Variants in DIAPH3 observed in about 807,000 individuals in gnomAD.
DIAPH3 encodes diaphanous related formin 3.
DIAPH3 carries 117 observed loss-of-function variants against 144.3 expected under a neutral mutation model. The observed-to-expected ratio is 0.81, with a 90% CI of 0.70 to 0.95. DIAPH3 has a LOEUF of 0.95. Ranked by LOEUF, DIAPH3 falls within the 40% of genes least tolerant of loss-of-function variation. The pLI, the probability that DIAPH3 is intolerant of heterozygous loss-of-function variation, is 0.00. For missense variants in DIAPH3, 1,421 were observed against 1,412.7 expected (o/e 1.01, Z -0.09); for synonymous variants, 519 against 488.9 (o/e 1.06, Z -0.81).
intron 22 of DIAPH3, among the ~76,000 whole-genome samples, chr13:59,860,461 G>A (rs567932395): frequency 1.6e-4 from 24 of 152,248 alleles, no homozygotes; most frequent in African/African-American, 3.4e-4. Flanking sequence ...AATTGAGGCC[G>A]GGCGCGGTGG....
intron 1 of DIAPH3, among the ~76,000 whole-genome samples, chr13:60,142,817 G>C (rs942628524): frequency 4.6e-5 from 7 of 151,990 alleles, no homozygotes; most frequent in Non-Finnish European, 1.0e-4. Context: ...GAATGCAATG[G>C]AGGGATCATA....
intron 2 of DIAPH3, among the ~76,000 whole-genome samples, chr13:60,126,050 A>AAAT (rs948546179): frequency 3.3e-5 from 5 of 152,326 alleles, no homozygotes; most frequent in African/African-American, 1.2e-4. Context: ...TAGGCCAATG[A>AAAT]ATTATTTCTC....
chr13:59,756,264 T>A, intron 27 of DIAPH3, among the ~76,000 whole-genome samples: 1 of 152,200 alleles, frequency 6.6e-6, no homozygotes, highest in East Asian at 1.9e-4. Context: ...ATAATTATTA[T>A]GTGTCTCCTT....
intron 25 of DIAPH3, among the ~76,000 whole-genome samples, chr13:59,786,818 A>T (rs17070129): frequency 0.076 from 11,573 of 152,242 alleles, 562 homozygotes; most frequent in South Asian, 0.18. Context: ...GATAATAATG[A>T]GCAACAGAGG....
chr13:60,129,125 A>T (rs957736258), intron 2 of DIAPH3, among the ~76,000 whole-genome samples: 4 of 152,068 alleles, frequency 2.6e-5, no homozygotes, highest in African/African-American at 9.7e-5. Flanking sequence ...CAACTCCTAT[A>T]CTCCAAAAAC....
chr13:59,831,881 A>AAT (rs2041798893), intron 24 of DIAPH3, among the ~76,000 whole-genome samples: 1 of 151,832 alleles, frequency 6.6e-6, no homozygotes, highest in Non-Finnish European at 1.5e-5. Flanking sequence ...ATAAACATTA[A>AAT]ATATATATTA....
In DIAPH3 at chr13:59,714,177, G is replaced by A. The variant is rs552861772; in HGVS notation, c.3320-47331C>T. On this transcript the variant is annotated intron_variant, in intron 27 of 27. Transcript: ENST00000400324. ...AGATCGAGACCATCCCGGCTAACACGGTGAAACCCCGTCTCTACTAAAAAT... is the reference window on the plus strand; with the variant it reads ...AGATCGAGACCATCCCGGCTAACACAGTGAAACCCCGTCTCTACTAAAAAT... 8.6e-3 allele frequency among the ~76,000 whole-genome samples: 1,305 copies of A among 151,856 alleles called. 5 individuals carry two copies. Among genetic ancestry groups the A allele is most frequent in the Non-Finnish European group, 0.013 (894 of 67,930 alleles).
chr13:59,800,526 T>C (rs1398744311), intron 25 of DIAPH3, among the ~76,000 whole-genome samples: 1 of 152,218 alleles, frequency 6.6e-6, no homozygotes, highest in East Asian at 1.9e-4. Context: ...GTTTCTTTAA[T>C]TTCCCACAAT....
chr13:60,150,447 G>C lies in DIAPH3; in HGVS notation c.180+13140C>G, dbSNP rs192340887. 3.9e-5 allele frequency among the ~76,000 whole-genome samples: 6 copies of C among 152,330 alleles called. No individual in the cohort carries two copies. The East Asian group carries it at 9.6e-4, about 24-fold the overall frequency. ...TGAAAAGGAGATGACCAAAGAGCTA[G>C]TGAAAAGTCAGGACCCATCATGCCC... On this transcript the variant is annotated intron_variant, in intron 1 of 27. Transcript: ENST00000400324.
chr13:60,050,394 G>A (rs2056280748), intron 4 of DIAPH3, among the ~76,000 whole-genome samples: 1 of 152,166 alleles, frequency 6.6e-6, no homozygotes. Context: ...AGATGACAAG[G>A]ACAGACAGAA....
At chr13:59,756,127 A>C (rs530821834) in intron 27 of DIAPH3, among the ~76,000 whole-genome samples, 1 of 152,280 alleles carries the variant, frequency 6.6e-6, no homozygotes, top group East Asian at 1.9e-4. Flanking sequence ...CTCTGGGTTG[A>C]GCCCAGAAAC....
At position 59,930,268 on chromosome 13, in the gene DIAPH3, T is replaced by G. The variant is rs901158304; in HGVS notation, c.2075-5398A>C. 2.0e-5 allele frequency among the ~76,000 whole-genome samples: 3 copies of G among 152,182 alleles called. No individual in the cohort carries two copies. The East Asian group carries it at 5.8e-4, about 29-fold the overall frequency. ...AACAAAGATACAATGCTAGACAAGA[T>G]AGAGAAATTCCTTGCCTCAAAGAAT... On this transcript the variant is annotated intron_variant, in intron 17 of 27. Coordinates refer to ENST00000400324, the MANE Select transcript of DIAPH3 (RefSeq NM_001042517.2).
chr13:59,765,526 A>G (rs1732485573), intron 27 of DIAPH3, among the ~76,000 whole-genome samples: 1 of 152,148 alleles, frequency 6.6e-6, no homozygotes, highest in Admixed American at 6.5e-5. Context: ...AACCACAGTC[A>G]CCCTGATAGT....
Position 59,869,862 on chromosome 13 carries a change from GT to G in DIAPH3, c.2608-8327del, listed in dbSNP as rs1249272973. Among the ~76,000 whole-genome samples the G allele has an allele frequency of 1.4e-4, 22 of 152,132 alleles. No individual in the cohort carries two copies. The East Asian group carries it at 4.1e-3, about 28-fold the overall frequency. On this transcript the variant is annotated intron_variant, in intron 21 of 27. Transcript: ENST00000400324. ...GGTTGTTTATTTCTTAGTTTTAAGA[GT>G]TTTTGTACATTTTAGATAAAAGTCC... is the stretch of plus-strand genomic sequence containing the variant.
chr13:60,034,700 G>C (rs2055071325), intron 5 of DIAPH3: 1 of 152,190 alleles, frequency 6.6e-6, no homozygotes, highest in Non-Finnish European at 1.5e-5. Flanking sequence ...CTGGACTCAA[G>C]AGATCCTCCT....
At chr13:59,694,891 C>G (rs565565277) in intron 27 of DIAPH3, among the ~76,000 whole-genome samples, 8 of 152,094 alleles carry the variant, frequency 5.3e-5, no homozygotes, top group African/African-American at 1.9e-4. Context: ...AATACGCAAC[C>G]ACCTGGAGAA....
chr13:59,958,467 T>C (rs1399625956), intron 17 of DIAPH3, among the ~76,000 whole-genome samples: 1 of 152,168 alleles, frequency 6.6e-6, no homozygotes, highest in East Asian at 1.9e-4. Flanking sequence ...TAATAATGTA[T>C]AAATCTTTTC....
intron 18 of DIAPH3, among the ~76,000 whole-genome samples, chr13:59,917,889 CAAAAAAAAA>C (rs60792156): frequency 4.3e-4 from 8 of 18,644 alleles, no homozygotes; most frequent in East Asian, 2.3e-3. Flanking sequence ...GACTCTGTCT[CAAAAAAAAA>C]AAAAAAAAAA....
chr13:59,987,475 T>TAAAAAAAAAAAAAAAAA (rs201333360), intron 12 of DIAPH3, among the ~76,000 whole-genome samples: 3 of 70,176 alleles, frequency 4.3e-5, no homozygotes, highest in Non-Finnish European at 6.2e-5. Flanking sequence ...TAAAGTATAA[T>TAAAAAAAAAAAAAAAAA]AAAAAAAAAA....
Sources: allele counts gnomAD v4.1 joint callset (sites outside exome capture counted in the v4.1 genomes callset), GRCh38; gene constraint gnomAD v4.1.1; transcripts MANE v1.5; gene names NCBI Gene and HGNC (gene_info 2026-07-23, HGNC 2026-07-21).